Variants in ABCB5 observed in about 807,000 individuals in gnomAD.
ABCB5 encodes the protein ATP binding cassette subfamily B member 5.
A neutral mutation model predicts 144.2 loss-of-function variants in ABCB5; 155 were observed. That is an observed-to-expected ratio of 1.08 (90% CI 0.94 to 1.23). The LOEUF (loss-of-function observed/expected upper bound fraction) is 1.23. Among genes scored for constraint, ABCB5 ranks in the 50% most tolerant of loss-of-function variants. The pLI, the probability that ABCB5 is intolerant of heterozygous loss-of-function variation, is 0.00. For synonymous variants in ABCB5, 610 were observed against 528.6 expected (o/e 1.15, Z -2.11); for missense variants, 1,830 against 1,520.8 (o/e 1.20, Z -3.38).
In ABCB5 at chr7:20,643,596, T is replaced by A; in HGVS notation, c.642T>A (p.Ser214=). The change falls in exon 7 of 28, where the codon TCT becomes TCA. Residue 214 remains serine (S), a synonymous_variant. Transcript: ENST00000404938. ...TCACCCTAGTGACTCTATCCACGTC[T>A]CCTCTTATAATGGCTTCAGCGGCAG... ...WKLTLVTLST[S]PLIMASAAAC... 6.2e-7 allele frequency: 1 copy of A among 1,613,974 alleles called. No homozygotes were observed. Among genetic ancestry groups the A allele is most frequent in the East Asian group, 2.2e-5 (1 of 44,878 alleles).
At chr7:20,633,395 C>A (rs544517166) in intron 5 of ABCB5, among the ~76,000 whole-genome samples, 1 of 151,990 alleles carries the variant, frequency 6.6e-6, no homozygotes, top group South Asian at 2.1e-4. Context: ...CTTTTCCCCC[C>A]AAAATGAAGA....
At chr7:20,711,604 G>A (rs71530672) in intron 20 of ABCB5, among the ~76,000 whole-genome samples, 5,910 of 147,796 alleles carry the variant, frequency 0.04, 480 homozygotes, top group South Asian at 0.07. Context: ...TGGGACTCTG[G>A]GCACATGCCA....
chr7:20,629,259 C>T (rs551531669), intron 4 of ABCB5, among the ~76,000 whole-genome samples: 1 of 151,672 alleles, frequency 6.6e-6, no homozygotes, highest in Admixed American at 6.6e-5. Flanking sequence ...GGTGGGCTGG[C>T]ATGCTGGGGA....
intron 15 of ABCB5, among the ~76,000 whole-genome samples, chr7:20,685,211 T>C (rs1356310955): frequency 3.9e-5 from 6 of 152,156 alleles, no homozygotes; most frequent in Non-Finnish European, 5.9e-5. Context: ...CTGTTAGTTT[T>C]GTGTTTTGTT....
At chr7:20,711,533 C>T (rs1787032579) in intron 20 of ABCB5, among the ~76,000 whole-genome samples, 2 of 146,808 alleles carry the variant, frequency 1.4e-5, no homozygotes, top group Admixed American at 6.8e-5. Context: ...GTGATCACTA[C>T]TCATTGCAGC....
chr7:20,662,857 T>A (rs1200317339), intron 14 of ABCB5, among the ~76,000 whole-genome samples: 1 of 151,986 alleles, frequency 6.6e-6, no homozygotes, highest in Non-Finnish European at 1.5e-5. Flanking sequence ...TTTAGAGAAG[T>A]ATACAAATTC....
At chr7:20,695,890 TGG>T (rs1786396555) in intron 16 of ABCB5, among the ~76,000 whole-genome samples, 1 of 151,952 alleles carries the variant, frequency 6.6e-6, no homozygotes, top group Non-Finnish European at 1.5e-5. Flanking sequence ...CCTGTTAGAA[TGG>T]TTAAATCTAA....
At chr7:20,703,516 T>C (rs535377498) in intron 19 of ABCB5, among the ~76,000 whole-genome samples, 1 of 152,344 alleles carries the variant, frequency 6.6e-6, no homozygotes, top group Admixed American at 6.5e-5. Context: ...TCATCTAACA[T>C]ATGATGTGCG....
rs924988701 is a variant in ABCB5 at position 20,680,587 on chromosome 7, C to A, written c.1708-918C>A. ...TCCGTCTCAAAAAAAAAAAAAAAAA[C>A]CGACTGACTTGAAAAGAGCATGAGA... is the stretch of plus-strand genomic sequence containing the variant. On this transcript the variant is annotated intron_variant, in intron 14 of 27. Transcript: ENST00000404938. Among the ~76,000 whole-genome samples, 1,059 of 145,406 alleles carry A rather than the reference C, an allele frequency of 7.3e-3. 10 individuals carry two copies. Among genetic ancestry groups the A allele is most frequent in the Non-Finnish European group, 0.01 (678 of 66,322 alleles).
At position 20,742,953 on chromosome 7, in the gene ABCB5, G is replaced by A. The variant is rs960822608; in HGVS notation, c.3101G>A (p.Arg1034His). The A allele has an allele frequency of 8.1e-6, 13 of 1,614,088 alleles. No individual in the cohort carries two copies. Among genetic ancestry groups the A allele is most frequent in the South Asian group, 2.2e-5 (2 of 91,076 alleles). The change falls in exon 25 of 28, where the codon CGT (arginine) becomes CAT (histidine). Residue 1034 changes from arginine (R) to histidine (H), a missense_variant. By Grantham distance (29) the Arg-to-His change is conservative. Transcript: ENST00000404938. ...YPCRPDVFIL[R>H]GLSLSIERGK... ...TGTCGCCCAGATGTTTTCATCCTCC[G>A]TGGCTTATCCCTCAGTATTGAGCGA...
At chr7:20,681,715 G>A in intron 15 of ABCB5, 49 bp downstream of exon 15, 1 of 1,587,298 alleles carries the variant, frequency 6.3e-7, no homozygotes, top group Non-Finnish European at 8.6e-7. Context: ...TAACGTTTCA[G>A]AGATCATACC....
rs772896092 is a variant in ABCB5, at chr7:20,643,273, A to T, written c.404A>T (p.Gln135Leu). 6.2e-7 allele frequency: 1 copy of T among 1,613,938 alleles called. No individual in the cohort carries two copies. The highest frequency in any genetic ancestry group is 1.7e-4 in the Middle Eastern group (1 of 6,060). The change falls in exon 6 of 28, where the codon CAG (glutamine) becomes CTG (leucine). Residue 135 changes from glutamine to leucine, a missense_variant. Coordinates refer to ENST00000404938, the MANE Select transcript of ABCB5 (RefSeq NM_001163941.2). ...TTGTGGATTATAACTGCAGCACGACAGACCAAGAGGATTCGAAAACAGTTT... is the reference window on the plus strand; with the variant it reads ...TTGTGGATTATAACTGCAGCACGACTGACCAAGAGGATTCGAAAACAGTTT... ...ISLWIITAAR[Q>L]TKRIRKQFFH... is the part of the protein sequence containing the mutation.
At chr7:20,711,400 T>G (rs1486857937) in intron 20 of ABCB5, among the ~76,000 whole-genome samples, 5 of 149,652 alleles carry the variant, frequency 3.3e-5, no homozygotes, top group African/African-American at 1.2e-4. Flanking sequence ...CCTTAATTTT[T>G]TTGAAATATA....
intron 14 of ABCB5, among the ~76,000 whole-genome samples, chr7:20,674,785 A>ACACAC (rs1562555755): frequency 8.3e-6 from 1 of 120,376 alleles, no homozygotes; most frequent in Non-Finnish European, 1.8e-5. Flanking sequence ...CACACACACA[A>ACACAC]ACTGTTAGAA....
rs774039470 is a variant in ABCB5, at chr7:20,698,422, G to A, written c.2026G>A (p.Val676Ile). Residue 676 changes from valine to isoleucine, a missense_variant, in exon 17 of 28, where the codon GTC (valine) becomes ATC (isoleucine). Val to Ile is a conservative substitution (Grantham distance 29). Transcript: ENST00000404938. ...TQSKEISLPE[V>I]SLLKILKLNK... ...TTATTTTTAGATAAGTCTTCCTGAAGTCTCTCTATTAAAAATTTTAAAGTT... is the reference window on the plus strand; with the variant it reads ...TTATTTTTAGATAAGTCTTCCTGAAATCTCTCTATTAAAAATTTTAAAGTT... 9 of 1,576,958 alleles carry A rather than the reference G, an allele frequency of 5.7e-6. No individual in the cohort carries two copies. The highest frequency in any genetic ancestry group is 3.6e-5 in the South Asian group (3 of 83,282).
intron 15 of ABCB5, among the ~76,000 whole-genome samples, chr7:20,682,372 A>T (rs539976667): frequency 6.6e-6 from 1 of 152,272 alleles, no homozygotes; most frequent in South Asian, 2.1e-4. Flanking sequence ...GTAAAAAGAA[A>T]AAGCAAGATT....
chr7:20,678,129 T>C (rs946520635), intron 14 of ABCB5, among the ~76,000 whole-genome samples: 12 of 152,224 alleles, frequency 7.9e-5, no homozygotes, highest in African/African-American at 2.2e-4. Flanking sequence ...AGTATATTGA[T>C]ATATTTCTAC....
At chr7:20,708,623 T>A (rs10230796) in intron 20 of ABCB5, among the ~76,000 whole-genome samples, 51,983 of 152,004 alleles carry the variant, frequency 0.34, 9,058 homozygotes, top group South Asian at 0.44. Context: ...TGACAAAAAC[T>A]CACAAAAATG....
At chr7:20,673,680 A>G (rs1785520821) in intron 14 of ABCB5, among the ~76,000 whole-genome samples, 2 of 151,968 alleles carry the variant, frequency 1.3e-5, no homozygotes, top group South Asian at 4.1e-4. Flanking sequence ...CTGACAGATG[A>G]CACGTAGTTG....
Sources: gnomAD v4.1 joint callset for allele counts (sites outside exome capture counted in the v4.1 genomes callset) on GRCh38, gnomAD v4.1.1 for gene constraint, MANE v1.5 for transcripts, NCBI Gene and HGNC (gene_info 2026-07-23, HGNC 2026-07-21) for gene names.